The following TASP1 variants were observed in gnomAD, a reference collection of about 807,000 sequenced individuals.
TASP1 encodes taspase 1.
TASP1 carries 16 observed loss-of-function variants against 56.6 expected under a neutral mutation model. That is an observed-to-expected ratio of 0.28 (90% CI 0.19 to 0.43). The LOEUF (loss-of-function observed/expected upper bound fraction) is 0.43, where lower values mean the gene tolerates loss of function less well. Ranked by LOEUF, TASP1 falls within the 20% of genes least tolerant of loss-of-function variation. The pLI, the probability that TASP1 is intolerant of heterozygous loss-of-function variation, is 1.00. For missense variants in TASP1, 393 were observed against 511.6 expected, an observed-to-expected ratio of 0.77 and a Z score of 2.24; for synonymous variants, 179 against 184.2, an observed-to-expected ratio of 0.97 and a Z score of 0.23.
At chr20:13,634,429 G>A (rs2049213138) in intron 1 of TASP1, among the ~76,000 whole-genome samples, 1 of 152,148 alleles carries the variant, frequency 6.6e-6, no homozygotes, top group Non-Finnish European at 1.5e-5. Context: ...TTCTTTTTGT[G>A]CTGATAAAAA....
At chr20:13,408,469 C>T (rs1282606402) in intron 13 of TASP1, among the ~76,000 whole-genome samples, 1 of 152,076 alleles carries the variant, frequency 6.6e-6, no homozygotes, top group Non-Finnish European at 1.5e-5. Context: ...AGTTTTCCTT[C>T]CTTGTAACAT....
chr20:13,316,973 T>A, the TASP1 span, among the ~76,000 whole-genome samples: 1 of 151,524 alleles, frequency 6.6e-6, no homozygotes, highest in Non-Finnish European at 1.5e-5. Flanking sequence ...GCCATATAGA[T>A]TGAGAAGGAA....
chr20:13,566,726 A>G (rs2046542171), intron 7 of TASP1, among the ~76,000 whole-genome samples: 1 of 152,216 alleles, frequency 6.6e-6, no homozygotes, highest in African/African-American at 2.4e-5. Context: ...CAAAACCACA[A>G]TGAGATACTA....
downstream of TASP1, among the ~76,000 whole-genome samples, chr20:13,388,275 T>TAAAGA (rs2041178582): frequency 6.6e-6 from 1 of 152,216 alleles, no homozygotes. Flanking sequence ...TATTCTCTGG[T>TAAAGA]TCCAGTAGCT....
the TASP1 span, among the ~76,000 whole-genome samples, chr20:13,266,470 A>G: frequency 1.3e-5 from 2 of 152,206 alleles, no homozygotes; most frequent in African/African-American, 4.8e-5. Context: ...AGTGGTAGTC[A>G]CAGCTCTGAA....
chr20:13,513,479 G>C (rs2044413262), intron 10 of TASP1, among the ~76,000 whole-genome samples: 1 of 152,090 alleles, frequency 6.6e-6, no homozygotes, highest in South Asian at 2.1e-4. Flanking sequence ...CTGCAGAAAA[G>C]AGAAGATATT....
At chr20:13,626,056 T>C (rs2048875693) in intron 2 of TASP1, among the ~76,000 whole-genome samples, 1 of 152,208 alleles carries the variant, frequency 6.6e-6, no homozygotes, top group Non-Finnish European at 1.5e-5. Context: ...TCAAAGTTCA[T>C]TAATGGAGCA....
At chr20:13,383,387 G>A in the TASP1 span, among the ~76,000 whole-genome samples, 1 of 152,204 alleles carries the variant, frequency 6.6e-6, no homozygotes, top group Admixed American at 6.5e-5. Flanking sequence ...TGAATGGATT[G>A]GTTGTAGAAT....
At chr20:13,472,192 C>T (rs1461021276) in intron 11 of TASP1, among the ~76,000 whole-genome samples, 1 of 150,778 alleles carries the variant, frequency 6.6e-6, no homozygotes, top group Non-Finnish European at 1.5e-5. Context: ...CATCTACAAC[C>T]ATCTCATCTT....
the TASP1 span, among the ~76,000 whole-genome samples, chr20:13,339,480 T>C: frequency 3.3e-5 from 5 of 152,194 alleles, no homozygotes; most frequent in African/African-American, 1.2e-4. Context: ...GGTGATATTT[T>C]CCCCAGACTC....
At chr20:13,336,438 T>A in the TASP1 span, among the ~76,000 whole-genome samples, 7 of 152,084 alleles carry the variant, frequency 4.6e-5, no homozygotes, top group African/African-American at 1.7e-4. Context: ...CACCCAGAGA[T>A]CACTGCTGCC....
chr20:13,614,826 G>A (rs2048465749), intron 4 of TASP1: 1 of 470,320 alleles, frequency 2.1e-6, no homozygotes, highest in South Asian at 1.6e-5. Context: ...ATGATGTCCA[G>A]GAAGAGGTTA....
the TASP1 span, among the ~76,000 whole-genome samples, chr20:13,382,784 T>TA: frequency 6.2e-4 from 95 of 152,282 alleles, no homozygotes; most frequent in African/African-American, 2.1e-3. Flanking sequence ...CATTTAAAAA[T>TA]ACACTTTCCC....
the TASP1 span, among the ~76,000 whole-genome samples, chr20:13,184,361 A>C: frequency 6.6e-6 from 1 of 152,332 alleles, no homozygotes; most frequent in Admixed American, 6.5e-5. Flanking sequence ...AAGTACTTTA[A>C]GAAATTTAAT....
At chr20:13,336,240 C>T in the TASP1 span, among the ~76,000 whole-genome samples, 1 of 152,212 alleles carries the variant, frequency 6.6e-6, no homozygotes, top group East Asian at 1.9e-4. Context: ...GGGGGCCTCA[C>T]ACTTGGCTTT....
intron 1 of TASP1, among the ~76,000 whole-genome samples, chr20:13,634,482 C>T (rs2049214941): frequency 6.6e-6 from 1 of 152,164 alleles, no homozygotes; most frequent in African/African-American, 2.4e-5. Flanking sequence ...GTAATCCTAG[C>T]ACTTTGGGAG....
the TASP1 span, among the ~76,000 whole-genome samples, chr20:13,362,629 T>C: frequency 1.3e-5 from 2 of 151,736 alleles, no homozygotes; most frequent in African/African-American, 4.9e-5. Flanking sequence ...CCAGGTGAAA[T>C]AAACAGCCAT....
chr20:13,288,927 G>A, the TASP1 span, among the ~76,000 whole-genome samples: 1 of 152,254 alleles, frequency 6.6e-6, no homozygotes, highest in African/African-American at 2.4e-5. Context: ...TGGGATTACA[G>A]GCACATGCCA....
At chr20:13,282,837 G>A in the TASP1 span, among the ~76,000 whole-genome samples, 3 of 152,172 alleles carry the variant, frequency 2.0e-5, no homozygotes, top group African/African-American at 7.2e-5. Context: ...AGAAGCCTGG[G>A]CGAAGCTGAG....
Sources: gnomAD v4.1 joint callset for allele counts (sites outside exome capture counted in the v4.1 genomes callset) on GRCh38, gnomAD v4.1.1 for gene constraint, MANE v1.5 for transcripts, NCBI Gene and HGNC (gene_info 2026-07-23, HGNC 2026-07-21) for gene names.